CCDC7: variants seen among roughly 807,000 people sequenced by gnomAD.
CCDC7 encodes the protein coiled-coil domain-containing protein 7.
Under a neutral mutation model 196.9 loss-of-function variants are expected in CCDC7, and 183 were observed. That is an observed-to-expected ratio of 0.93 (90% CI 0.82 to 1.05). The LOEUF is 1.05. Among genes scored for constraint, CCDC7 ranks in the 50% least tolerant of loss-of-function variants. The pLI is 0.00. For missense variants in CCDC7, 1,540 were observed against 1,482.2 expected (o/e 1.04, Z -0.64); for synonymous variants, 525 against 484.6 (o/e 1.08, Z -1.10).
intron 3 of CCDC7, among the ~76,000 whole-genome samples, chr10:32,458,602 G>T (rs1405991090): frequency 1.3e-5 from 2 of 151,802 alleles, no homozygotes; most frequent in Admixed American, 6.6e-5. Context: ...TCTTGCCTCA[G>T]CTTCCCAAGC....
chr10:32,824,401 TTATTA>T (rs552731164), intron 31 of CCDC7, 112 bp from the exon 33 acceptor site: 6,248 of 579,384 alleles, frequency 0.011, 48 homozygotes, highest in Non-Finnish European at 0.016. Context: ...TCTGGACACT[TTATTA>T]TAATTCTACT....
intron 8 of CCDC7, among the ~76,000 whole-genome samples, chr10:32,478,275 C>T (rs2039361447): frequency 1.3e-5 from 2 of 152,140 alleles, no homozygotes; most frequent in Non-Finnish European, 2.9e-5. Context: ...ATCTAACAGA[C>T]AGTGTTACTT....
chr10:32,753,609 T>A (rs1215693533), intron 28 of CCDC7, among the ~76,000 whole-genome samples: 1 of 152,162 alleles, frequency 6.6e-6, no homozygotes, highest in Admixed American at 6.5e-5. Context: ...TAGGAAATCT[T>A]AGAAGAATCT....
At chr10:32,730,714 A>G (rs1023732721) in intron 28 of CCDC7, among the ~76,000 whole-genome samples, 86 of 150,054 alleles carry the variant, frequency 5.7e-4, no homozygotes, top group African/African-American at 1.9e-3. Context: ...TATATTGTGA[A>G]TCTGGAGGTT....
chr10:32,838,973 T>A (rs1285256030), intron 33 of CCDC7, among the ~76,000 whole-genome samples: 1 of 151,972 alleles, frequency 6.6e-6, no homozygotes, highest in African/African-American at 2.4e-5. Context: ...CTATAAGAAC[T>A]GCTAAAAGGA....
At chr10:32,856,104 G>A (rs1018619314) in intron 41 of CCDC7, among the ~76,000 whole-genome samples, 3 of 152,052 alleles carry the variant, frequency 2.0e-5, no homozygotes, top group African/African-American at 7.2e-5. Flanking sequence ...CTAAAACTAA[G>A]AGCTGTACTT....
chr10:32,711,320 G>A (rs1005217823), intron 24 of CCDC7, among the ~76,000 whole-genome samples: 1 of 151,812 alleles, frequency 6.6e-6, no homozygotes, highest in East Asian at 1.9e-4. Context: ...TTGAACATAT[G>A]CATTTTCATT....
At chr10:32,830,472 A>G (rs2092047275) in intron 32 of CCDC7, among the ~76,000 whole-genome samples, 1 of 152,056 alleles carries the variant, frequency 6.6e-6, no homozygotes, top group Non-Finnish European at 1.5e-5. Flanking sequence ...TTGGTATAGC[A>G]GGGAGCAACT....
intron 29 of CCDC7, among the ~76,000 whole-genome samples, chr10:32,792,159 A>G (rs1420252565): frequency 6.6e-6 from 1 of 152,214 alleles, no homozygotes; most frequent in Non-Finnish European, 1.5e-5. Flanking sequence ...ACGTGAGGGA[A>G]TTTATTACCA....
chr10:32,486,898 G>T (rs1226650541), intron 8 of CCDC7, among the ~76,000 whole-genome samples: 5 of 152,026 alleles, frequency 3.3e-5, no homozygotes, highest in African/African-American at 1.2e-4. Context: ...TTGGTAACTG[G>T]ACCTTTCTCT....
intron 9 of CCDC7, among the ~76,000 whole-genome samples, chr10:32,492,630 G>A (rs574424559): frequency 6.6e-6 from 1 of 152,174 alleles, no homozygotes; most frequent in South Asian, 2.1e-4. Context: ...GGTATCTAGA[G>A]TAGTGTCAAC....
At chr10:32,509,934 T>C (rs117968038) in intron 9 of CCDC7, among the ~76,000 whole-genome samples, 5,151 of 152,188 alleles carry the variant, frequency 0.034, 134 homozygotes, top group Admixed American at 0.049. Flanking sequence ...ACACTACTGG[T>C]GGGAATGTAA....
At chr10:32,670,824 A>C (rs542908709) in intron 21 of CCDC7, among the ~76,000 whole-genome samples, 1 of 150,320 alleles carries the variant, frequency 6.7e-6, no homozygotes, top group South Asian at 2.1e-4. Context: ...TTCTTCCATG[A>C]GCTTTATTAT....
intron 21 of CCDC7, among the ~76,000 whole-genome samples, chr10:32,672,293 C>T (rs904709099): frequency 6.6e-6 from 1 of 152,130 alleles, no homozygotes; most frequent in Non-Finnish European, 1.5e-5. Context: ...GGGCACAGTC[C>T]AGCTCTCTAT....
rs183990268 is a variant in CCDC7, at chr10:32,856,612, G to A, written c.4111+2123G>A. ...GCCCCCATCATTCCTGGACCTTGCT[G>A]TCACTGCACCTGACCTCACAGAGCC... On this transcript the variant is annotated intron_variant, in intron 41 of 41. Coordinates refer to ENST00000639629, the Ensembl canonical transcript of CCDC7. 2.6e-5 allele frequency among the ~76,000 whole-genome samples: 4 copies of A among 152,258 alleles called. No individual in the cohort carries two copies. The East Asian group carries it at 7.7e-4, about 29-fold the overall frequency.
chr10:32,728,998 G>A lies in CCDC7; in HGVS notation c.2779+1G>A, dbSNP rs770902122. ...AATTCTGGAGTGGAAAGACACAAGA[G>A]TGAGTATAATAATTATCGATAACTT... On this transcript the variant is annotated splice_donor_variant, in intron 27 of 41. Coordinates refer to ENST00000639629, the Ensembl canonical transcript of CCDC7. LOFTEE classifies it high-confidence loss of function. 39 of 1,550,362 alleles carry A rather than the reference G, an allele frequency of 2.5e-5. No homozygotes were observed. The highest frequency in any genetic ancestry group is 3.4e-5 in the Non-Finnish European group (38 of 1,125,784).
chr10:32,475,305 C>T (rs951432429), intron 8 of CCDC7, among the ~76,000 whole-genome samples: 2 of 152,212 alleles, frequency 1.3e-5, no homozygotes, highest in Admixed American at 6.5e-5. Context: ...CATCACAGGG[C>T]CTTTCCACTT....
chr10:32,765,647 A>G (rs1019591043), intron 28 of CCDC7, among the ~76,000 whole-genome samples: 1 of 152,040 alleles, frequency 6.6e-6, no homozygotes, highest in Admixed American at 6.6e-5. Flanking sequence ...TGACTTCATC[A>G]AGGACTTGAA....
At chr10:32,803,770 C>T (rs761236213) in intron 29 of CCDC7, among the ~76,000 whole-genome samples, 1 of 152,028 alleles carries the variant, frequency 6.6e-6, no homozygotes, top group East Asian at 1.9e-4. Context: ...TTGTTCTTGT[C>T]ATTTTGTTGT....
Sources: gnomAD v4.1 joint callset for allele counts (sites outside exome capture counted in the v4.1 genomes callset) on GRCh38, gnomAD v4.1.1 for gene constraint, MANE v1.5 for transcripts, NCBI Gene and HGNC (gene_info 2026-07-23, HGNC 2026-07-21) for gene names.